KDM4C: variants seen among roughly 807,000 people sequenced by gnomAD.
KDM4C encodes the protein lysine-specific demethylase 4C.
A neutral mutation model predicts 129.3 loss-of-function variants in KDM4C; 81 were observed. The ratio of observed to expected loss-of-function variants is 0.63; its 90% CI spans 0.52 to 0.75. KDM4C has a LOEUF of 0.75. Ranked by LOEUF, KDM4C falls within the 30% of genes least tolerant of loss-of-function variation. KDM4C has a pLI of 0.00. For synonymous variants in KDM4C, 573 were observed against 456.1 expected (o/e 1.26, Z -3.26); for missense variants, 1,457 against 1,304.0 (o/e 1.12, Z -1.81).
At chr9:7,135,428 G>A (rs1841096459) in intron 19 of KDM4C, among the ~76,000 whole-genome samples, 1 of 152,132 alleles carries the variant, frequency 6.6e-6, no homozygotes, top group African/African-American at 2.4e-5. Context: ...TCAGCCTAAA[G>A]AATCAAAATA....
At chr9:6,914,494 G>A (rs1243552342) in intron 8 of KDM4C, among the ~76,000 whole-genome samples, 1 of 152,188 alleles carries the variant, frequency 6.6e-6, no homozygotes, top group East Asian at 1.9e-4. Flanking sequence ...TGCTTATAAT[G>A]AGGGGTGCAG....
intron 13 of KDM4C, 79 bp from the exon 14 acceptor site, chr9:7,013,709 G>C: frequency 7.6e-7 from 1 of 1,318,146 alleles, no homozygotes; most frequent in Non-Finnish European, 1.1e-6. Flanking sequence ...TCTGGAACAG[G>C]AGTTAGTGGA....
At chr9:6,764,142 A>G (rs1240330864) in intron 1 of KDM4C, among the ~76,000 whole-genome samples, 3 of 152,216 alleles carry the variant, frequency 2.0e-5, no homozygotes, top group Non-Finnish European at 2.9e-5. Context: ...CTTTTATTAC[A>G]TTTTAGTTGT....
intron 12 of KDM4C, among the ~76,000 whole-genome samples, chr9:7,010,417 C>G (rs560801071): frequency 6.6e-6 from 1 of 152,312 alleles, no homozygotes; most frequent in South Asian, 2.1e-4. Context: ...TTCAGTCCTT[C>G]CCATTTTGCC....
At chr9:7,102,451 G>A (rs1324934356) in intron 17 of KDM4C, among the ~76,000 whole-genome samples, 7 of 151,024 alleles carry the variant, frequency 4.6e-5, no homozygotes, top group African/African-American at 1.7e-4. Flanking sequence ...GAAGACAAAT[G>A]GAGATAGAAT....
Position 7,089,794 on chromosome 9 carries a change from A to G in KDM4C, c.2425-13891A>G, listed in dbSNP as rs193012931. On this transcript the variant is annotated intron_variant, in intron 17 of 21. Transcript: ENST00000381309. The stretch of plus-strand genomic sequence containing the variant: ...ATTAGACTTAAAAAAACCCAGAAAA[A>G]CAAAACCTTGCCATATTTTGCTGGC... 2.3e-4 allele frequency among the ~76,000 whole-genome samples: 35 copies of G among 152,330 alleles called. No homozygotes were observed. The East Asian group carries it at 6.0e-3, about 26-fold the overall frequency.
At chr9:6,893,801 A>G (rs933034933) in intron 8 of KDM4C, among the ~76,000 whole-genome samples, 1 of 152,194 alleles carries the variant, frequency 6.6e-6, no homozygotes, top group Non-Finnish European at 1.5e-5. Context: ...CAGTGTATTT[A>G]ATTTAGCTCA....
chr9:6,870,999 G>A (rs1842749868), intron 5 of KDM4C, among the ~76,000 whole-genome samples: 1 of 152,140 alleles, frequency 6.6e-6, no homozygotes, highest in South Asian at 2.1e-4. Flanking sequence ...GGGACCTATG[G>A]CAGCTGCCTG....
At chr9:7,039,952 C>A (rs890789334) in intron 15 of KDM4C, among the ~76,000 whole-genome samples, 7 of 152,038 alleles carry the variant, frequency 4.6e-5, no homozygotes, top group Non-Finnish European at 1.5e-5. Context: ...AATTCCACTA[C>A]TAATTTTTGC....
intron 1 of KDM4C, chr9:6,735,005 T>C (rs1041260165): frequency 2.0e-5 from 11 of 536,800 alleles, no homozygotes; most frequent in African/African-American, 3.9e-5. Context: ...GGTTTGGGTA[T>C]TACTGCATTG....
At chr9:6,873,243 C>A (rs142347791) in intron 5 of KDM4C, among the ~76,000 whole-genome samples, 1 of 152,212 alleles carries the variant, frequency 6.6e-6, no homozygotes, top group African/African-American at 2.4e-5. Context: ...GTGATCCACC[C>A]GCCTCGGCCT....
rs747649175 is a variant in KDM4C, at chr9:6,889,252, G to GTGTGTGTGTGTGT, written c.783+1189_783+1190insTGTGTGTGTGTGT. On this transcript the variant is annotated intron_variant, in intron 7 of 21. Transcript: ENST00000381309. ...GTGTGTGTGTGTGTGTGTGTGTGTG[G>GTGTGTGTGTGTGT]GAGGGTGGGGGGGATTTGTTCAAAG... Among the ~76,000 whole-genome samples the GTGTGTGTGTGTGT allele has an allele frequency of 2.5e-3, 186 of 75,060 alleles. 5 individuals are homozygous for GTGTGTGTGTGTGT. The highest frequency in any genetic ancestry group is 0.013 in the South Asian group (23 of 1,804). 49.2% of individuals were successfully genotyped at this position (75,060 alleles called of 152,430 possible). A position where few individuals can be genotyped will look rare whatever the true frequency, so the allele number is the denominator to read the frequency against.
chr9:6,779,402 G>A (rs1686535774), intron 1 of KDM4C, among the ~76,000 whole-genome samples: 1 of 150,294 alleles, frequency 6.7e-6, no homozygotes, highest in Non-Finnish European at 1.5e-5. Flanking sequence ...ATTCTTGCTG[G>A]AGTAGATCTA....
chr9:6,930,180 C>G (rs1233291427), intron 8 of KDM4C, among the ~76,000 whole-genome samples: 1 of 152,192 alleles, frequency 6.6e-6, no homozygotes, highest in Non-Finnish European at 1.5e-5. Context: ...TCAAGATCTA[C>G]TAGAGGTCAG....
intron 17 of KDM4C, among the ~76,000 whole-genome samples, chr9:7,092,868 C>A (rs1835965586): frequency 6.6e-6 from 1 of 151,932 alleles, no homozygotes; most frequent in Admixed American, 6.6e-5. Context: ...AGAGATCTCA[C>A]AGAAATGGAA....
At chr9:6,835,025 T>G (rs1467959694) in intron 4 of KDM4C, 1 of 947,366 alleles carries the variant, frequency 1.1e-6, no homozygotes, top group Non-Finnish European at 1.7e-6. Flanking sequence ...CTCATGAAGA[T>G]CCTTACCGAG....
At chr9:6,834,529 A>T in intron 4 of KDM4C, 1 of 669,306 alleles carries the variant, frequency 1.5e-6, no homozygotes, top group Admixed American at 2.0e-5. Context: ...GCAGGTGACG[A>T]TGACCCCCGG....
At chr9:6,971,176 T>G (rs1831921690) in intron 8 of KDM4C, among the ~76,000 whole-genome samples, 1 of 152,206 alleles carries the variant, frequency 6.6e-6, no homozygotes, top group African/African-American at 2.4e-5. Flanking sequence ...ATGAGTAATC[T>G]TTGCTGTGAT....
At chr9:6,981,877 T>C in intron 9 of KDM4C, 1 of 274,780 alleles carries the variant, frequency 3.6e-6, no homozygotes, top group Non-Finnish European at 8.7e-6. Flanking sequence ...GGAGGAAATT[T>C]GTAAAATAAG....
Sources: allele counts gnomAD v4.1 joint callset (sites outside exome capture counted in the v4.1 genomes callset), GRCh38; gene constraint gnomAD v4.1.1; transcripts MANE v1.5; gene names NCBI Gene and HGNC (gene_info 2026-07-23, HGNC 2026-07-21).